KPNA3: variants seen among roughly 807,000 people sequenced by gnomAD.
KPNA3 encodes importin subunit alpha-4.
Under a neutral mutation model 73.8 loss-of-function variants are expected in KPNA3, and 13 were observed. That is an observed-to-expected ratio of 0.18 (90% confidence interval 0.11 to 0.28). KPNA3 has a LOEUF of 0.28. KPNA3 is among the 10% of genes least tolerant of loss of function. The probability of loss-of-function intolerance (pLI) is 1.00; values close to 1 mark genes in which losing one functional copy is unlikely to be tolerated. For missense variants in KPNA3, 360 were observed against 618.1 expected, an observed-to-expected ratio of 0.58 and a Z score of 4.43; for synonymous variants, 186 against 206.9, an observed-to-expected ratio of 0.90 and a Z score of 0.87.
rs1954127162 is a variant in KPNA3 at position 49,699,383 on chromosome 13, A to G, written c.*2417T>C. 1 of 152,634 alleles carries G rather than the reference A, an allele frequency of 6.6e-6. No individual in the cohort carries two copies. The highest frequency in any genetic ancestry group is 1.5e-5 in the Non-Finnish European group (1 of 68,036). 9.5% of individuals were successfully genotyped at this position (152,634 alleles called of 1,614,324 possible). Reference sequence around the variant, plus strand: ...AAAACCTAAGCCCATATACAAAATTAGGAACACATTTAGATGCCTCTTTTG... The same window carrying G: ...AAAACCTAAGCCCATATACAAAATTGGGAACACATTTAGATGCCTCTTTTG... On this transcript the variant is annotated 3_prime_UTR_variant, in exon 17 of 17. Coordinates refer to ENST00000261667, the MANE Select transcript of KPNA3 (RefSeq NM_002267.4).
At chr13:49,741,983 A>C (rs1954578434) in intron 2 of KPNA3, among the ~76,000 whole-genome samples, 1 of 152,158 alleles carries the variant, frequency 6.6e-6, no homozygotes, top group Non-Finnish European at 1.5e-5. Flanking sequence ...AGTATCATGG[A>C]GATTTTCCCC....
intron 10 of KPNA3, among the ~76,000 whole-genome samples, chr13:49,719,189 GA>G (rs918003695): frequency 2.0e-5 from 3 of 151,680 alleles, no homozygotes; most frequent in Non-Finnish European, 4.4e-5. Context: ...TGAATATAAT[GA>G]AAAAAAATCA....
At chr13:49,717,706 A>C (rs9535307) in intron 10 of KPNA3, among the ~76,000 whole-genome samples, 128,570 of 152,116 alleles carry the variant, frequency 0.85, 54,575 homozygotes, top group East Asian at 1. Flanking sequence ...TCTCACAAGA[A>C]TTTTGTAAGA....
intron 1 of KPNA3, among the ~76,000 whole-genome samples, chr13:49,776,923 A>C (rs1012672508): frequency 2.6e-5 from 4 of 152,234 alleles, no homozygotes; most frequent in Admixed American, 2.0e-4. Flanking sequence ...AAAGATACTA[A>C]CTGTATAGTC....
At chr13:49,703,352 T>C (rs1954168616) in intron 15 of KPNA3, among the ~76,000 whole-genome samples, 1 of 151,516 alleles carries the variant, frequency 6.6e-6, no homozygotes, top group South Asian at 2.1e-4. Context: ...AGCTAATTTT[T>C]TGTGTTTTTA....
intron 1 of KPNA3, among the ~76,000 whole-genome samples, chr13:49,759,412 TAGA>T (rs1016785184): frequency 6.6e-6 from 1 of 152,170 alleles, no homozygotes; most frequent in Non-Finnish European, 1.5e-5. Flanking sequence ...GACTAGGAAG[TAGA>T]AGGAGTGGTT....
intron 1 of KPNA3, among the ~76,000 whole-genome samples, chr13:49,777,667 A>AT (rs146787105): frequency 0.42 from 59,794 of 141,236 alleles, 14,429 homozygotes; most frequent in Non-Finnish European, 0.56. Context: ...CACCCAGATG[A>AT]TTTTTTTTTT....
chr13:49,790,045 A>G (rs1955019800), intron 1 of KPNA3, among the ~76,000 whole-genome samples: 6 of 152,216 alleles, frequency 3.9e-5, no homozygotes, highest in Admixed American at 3.3e-4. Flanking sequence ...CCTGAAGTAC[A>G]GACTGCATCT....
intron 1 of KPNA3, among the ~76,000 whole-genome samples, chr13:49,757,769 A>G (rs1203548260): frequency 6.6e-6 from 1 of 152,196 alleles, no homozygotes; most frequent in African/African-American, 2.4e-5. Context: ...CCTGGAAACA[A>G]CCCAGGTATC....
intron 10 of KPNA3, among the ~76,000 whole-genome samples, chr13:49,717,955 T>A (rs536814659): frequency 9.2e-5 from 14 of 152,332 alleles, no homozygotes; most frequent in Admixed American, 3.3e-4. Context: ...CTTGTTGGCT[T>A]TCATACCATG....
intron 1 of KPNA3, among the ~76,000 whole-genome samples, chr13:49,754,649 C>CA (rs920184520): frequency 2.9e-4 from 40 of 136,808 alleles, no homozygotes; most frequent in African/African-American, 4.8e-4. Flanking sequence ...GCAGACTGGC[C>CA]AAAAAAAAAG....
intron 7 of KPNA3, among the ~76,000 whole-genome samples, chr13:49,724,553 C>T (rs1039580812): frequency 3.3e-5 from 5 of 152,090 alleles, no homozygotes; most frequent in African/African-American, 9.7e-5. Context: ...GTGATCCACC[C>T]GCCTCGGCCT....
rs538422119 is a variant in KPNA3 at position 49,762,871 on chromosome 13, A to T, written c.70-15878T>A. Among the ~76,000 whole-genome samples the T allele has an allele frequency of 6.1e-4, 93 of 151,456 alleles. No homozygotes were observed. In the South Asian group the frequency reaches 0.016, roughly 26 times the overall value. On this transcript the variant is annotated intron_variant, in intron 1 of 16. Transcript: ENST00000261667. ...CCCAAGAATGATCAATAAAAAAAAT[A>T]AAATTAAATTAAAAAAATAAATAAA...
intron 1 of KPNA3, among the ~76,000 whole-genome samples, chr13:49,752,082 C>T (rs1053574377): frequency 6.6e-6 from 1 of 151,994 alleles, no homozygotes; most frequent in African/African-American, 2.4e-5. Context: ...AAGAGAACTC[C>T]CAAATCATGA....
At chr13:49,780,451 T>C (rs1198944373) in intron 1 of KPNA3, among the ~76,000 whole-genome samples, 2 of 152,274 alleles carry the variant, frequency 1.3e-5, no homozygotes, top group African/African-American at 2.4e-5. Context: ...GCCAACACTA[T>C]AGTCAGGCCA....
chr13:49,750,345 T>C (rs1028255580), intron 1 of KPNA3, among the ~76,000 whole-genome samples: 1 of 152,206 alleles, frequency 6.6e-6, no homozygotes, highest in Non-Finnish European at 1.5e-5. Flanking sequence ...ATATTTACTA[T>C]TTGTCCTTTT....
At chr13:49,717,440 G>GAAAAAA (rs61581557) in intron 10 of KPNA3, among the ~76,000 whole-genome samples, 1 of 126,926 alleles carries the variant, frequency 7.9e-6, no homozygotes, top group Non-Finnish European at 1.6e-5. Flanking sequence ...GGAAAAAAAA[G>GAAAAAA]AAAAAAAAAA....
intron 10 of KPNA3, among the ~76,000 whole-genome samples, chr13:49,711,661 T>G (rs1425087297): frequency 6.6e-6 from 1 of 152,132 alleles, no homozygotes; most frequent in African/African-American, 2.4e-5. Context: ...AGCGATCTGG[T>G]GATTCATTCA....
intron 12 of KPNA3, among the ~76,000 whole-genome samples, chr13:49,709,285 C>A (rs1028154450): frequency 6.6e-6 from 1 of 151,648 alleles, no homozygotes; most frequent in Non-Finnish European, 1.5e-5. Flanking sequence ...CCTGTAGTCC[C>A]AGCTTCTCGG....
Sources: gnomAD v4.1 joint callset for allele counts (sites outside exome capture counted in the v4.1 genomes callset) on GRCh38, gnomAD v4.1.1 for gene constraint, MANE v1.5 for transcripts, NCBI Gene and HGNC (gene_info 2026-07-23, HGNC 2026-07-21) for gene names.